CCSER1: variants seen among roughly 807,000 people sequenced by gnomAD.
CCSER1 encodes coiled-coil serine rich protein 1, also known as serine-rich coiled-coil domain-containing protein 1.
CCSER1 carries 41 observed loss-of-function variants against 82.0 expected under a neutral mutation model. That is an observed-to-expected ratio of 0.50 (90% CI 0.39 to 0.65). CCSER1 has a LOEUF of 0.65. CCSER1 is among the 30% of genes least tolerant of loss of function. CCSER1 has a pLI of 0.00. For synonymous variants in CCSER1, 414 were observed against 383.9 expected (o/e 1.08, Z -0.92); for missense variants, 1,119 against 1,064.2 (o/e 1.05, Z -0.72).
intron 5 of CCSER1, among the ~76,000 whole-genome samples, chr4:90,566,607 T>A (rs1372588501): frequency 6.6e-6 from 1 of 151,326 alleles, no homozygotes; most frequent in East Asian, 1.9e-4. Context: ...AATTACCTTT[T>A]TTTTTTTTTT....
chr4:91,341,635 A>G (rs76368487), intron 10 of CCSER1, among the ~76,000 whole-genome samples: 35,216 of 152,084 alleles, frequency 0.23, 4,698 homozygotes, highest in Middle Eastern at 0.39. Context: ...CACTGCCTCC[A>G]GGTTCAAGCT....
At chr4:91,047,069 A>G (rs190166351) in intron 9 of CCSER1, among the ~76,000 whole-genome samples, 5 of 152,238 alleles carry the variant, frequency 3.3e-5, no homozygotes. Context: ...ACTAAAACTC[A>G]GTTACATTCC....
At chr4:91,184,518 T>G (rs1734343073) in intron 10 of CCSER1, among the ~76,000 whole-genome samples, 1 of 152,364 alleles carries the variant, frequency 6.6e-6, no homozygotes, top group African/African-American at 2.4e-5. Flanking sequence ...TACTTGATTT[T>G]TCTTAGGAAA....
chr4:90,142,943 C>T (rs1725064917), intron 1 of CCSER1, among the ~76,000 whole-genome samples: 1 of 152,062 alleles, frequency 6.6e-6, no homozygotes. Flanking sequence ...AATAAAATAA[C>T]ACATATATTG....
At chr4:91,161,266 C>G (rs1310064040) in intron 10 of CCSER1, among the ~76,000 whole-genome samples, 1 of 152,208 alleles carries the variant, frequency 6.6e-6, no homozygotes, top group South Asian at 2.1e-4. Context: ...GTCTATATCT[C>G]TGTTTTGGTA....
intron 1 of CCSER1, among the ~76,000 whole-genome samples, chr4:90,192,489 C>A (rs1451578669): frequency 6.6e-6 from 1 of 152,006 alleles, no homozygotes; most frequent in Non-Finnish European, 1.5e-5. Context: ...AGAATTTCAG[C>A]TTTGGAGCCA....
At chr4:91,092,856 G>A (rs1295297404) in intron 10 of CCSER1, among the ~76,000 whole-genome samples, 1 of 152,124 alleles carries the variant, frequency 6.6e-6, no homozygotes, top group Admixed American at 6.5e-5. Flanking sequence ...TCCTGCCTCT[G>A]TGTCTGCTCA....
At chr4:90,565,035 A>ATTTTTT (rs559940576) in intron 5 of CCSER1, among the ~76,000 whole-genome samples, 1 of 141,012 alleles carries the variant, frequency 7.1e-6, no homozygotes, top group African/African-American at 2.6e-5. Flanking sequence ...CAAAGTTCAG[A>ATTTTTT]TTTTTTTTTT....
chr4:90,503,754 A>T (rs1770281243), intron 5 of CCSER1, among the ~76,000 whole-genome samples: 1 of 152,096 alleles, frequency 6.6e-6, no homozygotes, highest in Admixed American at 6.5e-5. Flanking sequence ...ATCATTTTTT[A>T]TGGCTGCATA....
intron 5 of CCSER1, among the ~76,000 whole-genome samples, chr4:90,529,365 G>A (rs1243978496): frequency 6.6e-6 from 1 of 151,970 alleles, no homozygotes; most frequent in Non-Finnish European, 1.5e-5. Flanking sequence ...GAGTAGCTGC[G>A]ACTACAGACG....
intron 9 of CCSER1, among the ~76,000 whole-genome samples, chr4:90,953,859 A>G (rs369275117): frequency 6.6e-6 from 1 of 152,086 alleles, no homozygotes; most frequent in South Asian, 2.1e-4. Context: ...AAAATCCCTT[A>G]TCATATTATA....
At chr4:90,493,780 A>G (rs1176096316) in intron 5 of CCSER1, among the ~76,000 whole-genome samples, 2 of 152,210 alleles carry the variant, frequency 1.3e-5, no homozygotes, top group Admixed American at 1.3e-4. Context: ...AAACATGGAA[A>G]GGAACAACCG....
At chr4:90,177,029 A>G (rs1346312712) in intron 1 of CCSER1, among the ~76,000 whole-genome samples, 1 of 152,112 alleles carries the variant, frequency 6.6e-6, no homozygotes, top group Non-Finnish European at 1.5e-5. Flanking sequence ...AATCAGAGCT[A>G]AAGTGACAGA....
intron 3 of CCSER1, among the ~76,000 whole-genome samples, chr4:90,353,723 A>G (rs1235027775): frequency 6.6e-6 from 1 of 152,168 alleles, no homozygotes; most frequent in Non-Finnish European, 1.5e-5. Context: ...ACACAAGACA[A>G]TATCCACTGC....
intron 7 of CCSER1, among the ~76,000 whole-genome samples, chr4:90,782,552 G>A (rs1753912077): frequency 6.6e-6 from 1 of 152,092 alleles, no homozygotes; most frequent in African/African-American, 2.4e-5. Flanking sequence ...TAAAGGCAGT[G>A]GCAATGGGAA....
At chr4:90,438,510 A>C (rs1759376571) in intron 4 of CCSER1, among the ~76,000 whole-genome samples, 2 of 152,194 alleles carry the variant, frequency 1.3e-5, no homozygotes, top group Non-Finnish European at 2.9e-5. Context: ...AAACAAAACA[A>C]AACCTGATTA....
chr4:90,518,402 A>T (rs560060980), intron 5 of CCSER1, among the ~76,000 whole-genome samples: 1 of 152,220 alleles, frequency 6.6e-6, no homozygotes, highest in Non-Finnish European at 1.5e-5. Context: ...ACATAAAAAT[A>T]TGAAATCCAT....
intron 5 of CCSER1, among the ~76,000 whole-genome samples, chr4:90,552,925 G>T (rs780782978): frequency 8.6e-5 from 13 of 151,840 alleles, no homozygotes; most frequent in Non-Finnish European, 1.8e-4. Context: ...AGTAATCTCT[G>T]AACCAGAGTG....
At chr4:90,748,561 A>T (rs998951960) in intron 7 of CCSER1, among the ~76,000 whole-genome samples, 6 of 149,788 alleles carry the variant, frequency 4.0e-5, no homozygotes, top group African/African-American at 1.2e-4. Flanking sequence ...CAGTAATGGG[A>T]TGGCTGAGTC....
Sources: allele counts gnomAD v4.1 joint callset (sites outside exome capture counted in the v4.1 genomes callset), GRCh38; gene constraint gnomAD v4.1.1; transcripts MANE v1.5; gene names NCBI Gene and HGNC (gene_info 2026-07-23, HGNC 2026-07-21).